ADNP2: variants seen among roughly 807,000 people sequenced by gnomAD.
ADNP2 encodes ADNP homeobox 2, also known as activity-dependent neuroprotector homeobox protein 2.
Under a neutral mutation model 16.4 loss-of-function variants are expected in ADNP2, and 8 were observed. The observed-to-expected ratio is 0.49, with a 90% CI of 0.29 to 0.88. The LOEUF (loss-of-function observed/expected upper bound fraction) is 0.88, where lower values mean the gene tolerates loss of function less well. Ranked by LOEUF, ADNP2 falls within the 40% of genes least tolerant of loss-of-function variation. ADNP2 has a pLI of 0.09. For synonymous variants in ADNP2, 637 were observed against 545.8 expected, an observed-to-expected ratio of 1.17 and a Z score of -2.33; for missense variants, 1,397 against 1,395.1, an observed-to-expected ratio of 1.00 and a Z score of -0.02.
At chr18:80,119,542 G>A (rs1003025830) in intron 2 of ADNP2, among the ~76,000 whole-genome samples, 1 of 152,116 alleles carries the variant, frequency 6.6e-6, no homozygotes, top group Non-Finnish European at 1.5e-5. Context: ...AGAGTGGTAT[G>A]TCGCTCTGCC....
intron 1 of ADNP2, 87 bp from the exon 2 acceptor site, chr18:80,117,443 C>T: frequency 1.4e-6 from 1 of 716,428 alleles, no homozygotes; most frequent in Admixed American, 3.6e-5. Flanking sequence ...TACTCTATTC[C>T]TAGTGTTTTA....
At position 80,139,006 on chromosome 18, in the gene ADNP2, AGTTTGATTTGTAACAGAACAGTT is replaced by A; in HGVS notation, c.*202_*224del. ...TTATTTCACATCTATTGTTTCCTGCAGTTTGATTTGTAACAGAACAGTTGTTTTCAGGTTTTTTTCTCTGTCAT... is the reference window on the plus strand; with the variant it reads ...TTATTTCACATCTATTGTTTCCTGCAGTTTTCAGGTTTTTTTCTCTGTCAT... On this transcript the variant is annotated 3_prime_UTR_variant, in exon 4 of 4. Transcript: ENST00000262198. 2.2e-6 allele frequency: 1 copy of A among 450,114 alleles called. No homozygotes were observed. The highest frequency in any genetic ancestry group is 4.0e-5 in the Admixed American group (1 of 24,954). 27.9% of individuals were successfully genotyped at this position (450,114 alleles called of 1,614,324 possible). A position where few individuals can be genotyped will look rare whatever the true frequency, so the allele number is the denominator to read the frequency against.
At chr18:80,125,420 G>C (rs916329091) in intron 2 of ADNP2, among the ~76,000 whole-genome samples, 5 of 152,150 alleles carry the variant, frequency 3.3e-5, no homozygotes, top group African/African-American at 1.2e-4. Flanking sequence ...GAGGTGGGCG[G>C]ATCACGAGGT....
intron 1 of ADNP2, among the ~76,000 whole-genome samples, chr18:80,110,655 G>A (rs1599799797): frequency 6.6e-6 from 1 of 152,238 alleles, no homozygotes; most frequent in Non-Finnish European, 1.5e-5. Flanking sequence ...GGTAATGTAT[G>A]TGTAACTTAT....
Position 80,136,575 on chromosome 18 carries a change from A to G in ADNP2, c.1162A>G (p.Ser388Gly), listed in dbSNP as rs1465245235. 3.7e-6 allele frequency: 6 copies of G among 1,614,052 alleles called. No homozygotes were observed. In the African/African-American group the frequency reaches 5.3e-5, roughly 14 times the overall value. ...ACCTGTCAATAAGTCTGTTGGAACT[A>G]GTGTCCTCCCCATAAATCAGACTGT... is the stretch of plus-strand genomic sequence containing the variant. ...VGPVNKSVGT[S>G]VLPINQTVRP... The change falls in exon 4 of 4, where the codon AGT becomes GGT. Residue 388 changes from serine (S) to glycine (G), a missense_variant. Physicochemically the swap from Ser to Gly is moderately conservative, Grantham distance 56. Transcript: ENST00000262198.
chr18:80,138,417 G>C lies in ADNP2; in HGVS notation c.3004G>C (p.Ala1002Pro), dbSNP rs766866822. The C allele has an allele frequency of 1.2e-6, 2 of 1,614,050 alleles. No individual in the cohort carries two copies. The highest frequency in any genetic ancestry group is 4.5e-5 in the East Asian group (2 of 44,876). ...HGEEQPPILN[A>P]DAAPGPEKVT... The stretch of plus-strand genomic sequence containing the variant: ...GGAGGAGCAGCCTCCCATCCTAAAT[G>C]CCGATGCAGCCCCGGGTCCAGAAAA... Residue 1002 changes from alanine (A) to proline (P), a missense_variant, in exon 4 of 4, where the codon GCC becomes CCC. Coordinates refer to ENST00000262198, the MANE Select transcript of ADNP2 (RefSeq NM_014913.4).
rs2052537806 is a variant in ADNP2 at position 80,136,663 on chromosome 18, G to A, written c.1250G>A (p.Gly417Asp). The A allele has an allele frequency of 6.2e-7, 1 of 1,613,472 alleles. No homozygotes were observed. Among genetic ancestry groups the A allele is most frequent in the African/African-American group, 1.3e-5 (1 of 74,910 alleles). ...VGPINRPVGP[G>D]VLPVSPSVTP... Reference sequence around the variant, plus strand: ...CCCATAAACAGACCTGTTGGGCCTGGTGTTCTTCCTGTGAGCCCCTCTGTC... The same window carrying A: ...CCCATAAACAGACCTGTTGGGCCTGATGTTCTTCCTGTGAGCCCCTCTGTC... Residue 417 changes from glycine (G) to aspartate (D), a missense_variant, in exon 4 of 4, where the codon GGT becomes GAT. Physicochemically the swap from Gly to Asp is moderately conservative, Grantham distance 94 (BLOSUM62 -1). Coordinates refer to ENST00000262198, the MANE Select transcript of ADNP2 (RefSeq NM_014913.4).
In ADNP2 at chr18:80,138,676, C is replaced by T. The variant is rs1442768247; in HGVS notation, c.3263C>T (p.Ala1088Val). 1.2e-6 allele frequency: 2 copies of T among 1,612,388 alleles called. No homozygotes were observed. ...SLFWVWKIDV[A>V]SFFGKRRYIC... is the part of the protein sequence containing the mutation. Reference sequence around the variant, plus strand: ...TTTTGGGTGTGGAAAATTGATGTGGCTTCATTTTTTGGAAAAAGAAGGTAT... The same window carrying T: ...TTTTGGGTGTGGAAAATTGATGTGGTTTCATTTTTTGGAAAAAGAAGGTAT... Residue 1088 changes from alanine to valine, a missense_variant, in exon 4 of 4, where the codon GCT becomes GTT. Ala to Val is a moderately conservative substitution (Grantham distance 64). Coordinates refer to ENST00000262198, the MANE Select transcript of ADNP2 (RefSeq NM_014913.4).
chr18:80,126,467 T>G (rs1464676151), intron 2 of ADNP2, among the ~76,000 whole-genome samples: 1 of 152,208 alleles, frequency 6.6e-6, no homozygotes, highest in Non-Finnish European at 1.5e-5. Context: ...TGTGCTTAAT[T>G]AACTCACTAT....
chr18:80,138,941 T>G lies in ADNP2; in HGVS notation c.*132T>G. ...CACTGTGCTGCTCTGCAGAGTTACT[T>G]CAGGTGCTGGAGAGACCCCTGTTAC... On this transcript the variant is annotated 3_prime_UTR_variant, in exon 4 of 4. Coordinates refer to ENST00000262198, the MANE Select transcript of ADNP2 (RefSeq NM_014913.4). 1 of 848,598 alleles carries G rather than the reference T, an allele frequency of 1.2e-6. No individual in the cohort carries two copies. Among genetic ancestry groups the G allele is most frequent in the Admixed American group, 3.6e-5 (1 of 27,862 alleles). The allele number at this position is 848,598 out of a possible 1,614,324, so 52.6% of individuals were successfully genotyped here.
chr18:80,133,089 TCCC>T lies in ADNP2; in HGVS notation c.109-13_109-11del. 1 of 1,529,722 alleles carries T rather than the reference TCCC, an allele frequency of 6.5e-7. No individual in the cohort carries two copies. The highest frequency in any genetic ancestry group is 1.9e-5 in the Admixed American group (1 of 53,374). 94.8% of individuals were successfully genotyped at this position (1,529,722 alleles called of 1,614,324 possible). A position where few individuals can be genotyped will look rare whatever the true frequency, so the allele number is the denominator to read the frequency against. On this transcript the variant is annotated splice_polypyrimidine_tract_variant and intron_variant, in intron 2 of 3. Transcript: ENST00000262198. ...GAATTTACATAATCTCTTTTTTTTC[TCCC>T]TTTTTAAAAGGACCTTAAAGGCTTT...
At chr18:80,130,220 G>T (rs527881196) in intron 2 of ADNP2, among the ~76,000 whole-genome samples, 1 of 152,218 alleles carries the variant, frequency 6.6e-6, no homozygotes, top group South Asian at 2.1e-4. Flanking sequence ...GTGAGGATGG[G>T]CCCATTCTTT....
intron 2 of ADNP2, among the ~76,000 whole-genome samples, chr18:80,125,341 C>G (rs1285670685): frequency 6.6e-6 from 1 of 151,984 alleles, no homozygotes; most frequent in Non-Finnish European, 1.5e-5. Flanking sequence ...TAGCAAGACT[C>G]TGTCTTTAAA....
chr18:80,137,984 GA>G lies in ADNP2; in HGVS notation c.2573del (p.Lys858ArgfsTer2). 1.2e-6 allele frequency: 2 copies of G among 1,613,354 alleles called. No individual in the cohort carries two copies. The highest frequency in any genetic ancestry group is 1.7e-6 in the Non-Finnish European group (2 of 1,180,018). ...CCAAGTCACTGGTGCCTGTGTATGT[GA>G]AGGTGAGGCCTCAGGCTGAGGGCAC... ...HSKSLVPVYV[K>X]VRPQAEGTPG... On this transcript the variant is annotated frameshift_variant, in exon 4 of 4. Coordinates refer to ENST00000262198, the MANE Select transcript of ADNP2 (RefSeq NM_014913.4). LOFTEE classifies it low-confidence loss of function (END_TRUNC). The surrounding 1 kb of genome is among the most constrained non-coding windows in gnomAD (Gnocchi z 4.2).
At chr18:80,132,573 C>G (rs1378456277) in intron 2 of ADNP2, among the ~76,000 whole-genome samples, 1 of 151,676 alleles carries the variant, frequency 6.6e-6, no homozygotes. Flanking sequence ...CAGGTTCATT[C>G]TTTTTCCTTC....
intron 3 of ADNP2, among the ~76,000 whole-genome samples, chr18:80,135,040 G>A (rs1422003855): frequency 6.6e-6 from 1 of 152,196 alleles, no homozygotes; most frequent in Non-Finnish European, 1.5e-5. Flanking sequence ...ATGAGGGGGA[G>A]AAAATAACTT....
rs1296626850 is a variant in ADNP2 at position 80,135,583 on chromosome 18, ATGCTT to A, written c.199-28_199-24del. 4.4e-6 allele frequency: 7 copies of A among 1,576,720 alleles called. No individual in the cohort carries two copies. In the Admixed American group the frequency reaches 1.1e-4, roughly 24 times the overall value. ...TTAGCATCTGACAGTTTATTCAATT[ATGCTT>A]AAGGCTTTCTTTTCTTTTAACAGAG... is the stretch of plus-strand genomic sequence containing the variant. On this transcript the variant is annotated intron_variant, in intron 3 of 3. Transcript: ENST00000262198.
In ADNP2 at chr18:80,115,207, G is replaced by A. The variant is rs189351975; in HGVS notation, c.-13-2323G>A. 5.3e-5 allele frequency among the ~76,000 whole-genome samples: 8 copies of A among 152,272 alleles called. No homozygotes were observed. In the East Asian group the frequency reaches 1.2e-3, roughly 22 times the overall value. On this transcript the variant is annotated intron_variant, in intron 1 of 3. Coordinates refer to ENST00000262198, the MANE Select transcript of ADNP2 (RefSeq NM_014913.4). ...ACTTGATATATGCCCACATTGTCTC[G>A]TATCTGGCCTATGGGAGCCCTTTCA...
Position 80,137,723 on chromosome 18 carries a change from G to A in ADNP2, c.2310G>A (p.Leu770=), listed in dbSNP as rs1373039713. 2 of 1,614,148 alleles carry A rather than the reference G, an allele frequency of 1.2e-6. No individual in the cohort carries two copies. The highest frequency in any genetic ancestry group is 1.7e-6 in the Non-Finnish European group (2 of 1,180,030). Residue 770 remains leucine, a synonymous_variant, in exon 4 of 4, where the codon TTG becomes TTA. Coordinates refer to ENST00000262198, the MANE Select transcript of ADNP2 (RefSeq NM_014913.4). The surrounding 1 kb of genome is among the most constrained non-coding windows in gnomAD (Gnocchi z 4.2). ...ELIHHLLMHG[L]GCLFCPCTFH... ...TACACCACTTGCTGATGCATGGCTT[G>A]GGGTGCTTGTTCTGTCCATGCACCT... is the stretch of plus-strand genomic sequence containing the variant.
Sources: gnomAD v4.1 joint callset for allele counts (sites outside exome capture counted in the v4.1 genomes callset) on GRCh38, gnomAD v4.1.1 for gene constraint, Gnocchi (gnomAD v3.1) non-coding constraint, MANE v1.5 for transcripts, NCBI Gene and HGNC (gene_info 2026-07-23, HGNC 2026-07-21) for gene names.